The following CDH18 variants were observed in gnomAD, a reference collection of about 807,000 sequenced individuals.
The protein encoded by CDH18 is cadherin-18.
A neutral mutation model predicts 67.9 loss-of-function variants in CDH18; 31 were observed. That is an observed-to-expected ratio of 0.46 (90% CI 0.34 to 0.62). The LOEUF (loss-of-function observed/expected upper bound fraction) is 0.62, where lower values mean the gene tolerates loss of function less well. CDH18 is among the 20% of genes least tolerant of loss of function. CDH18 has a pLI of 0.01. For missense variants in CDH18, 890 were observed against 975.5 expected, an observed-to-expected ratio of 0.91 and a Z score of 1.17; for synonymous variants, 362 against 347.2, an observed-to-expected ratio of 1.04 and a Z score of -0.48.
intron 2 of CDH18, among the ~76,000 whole-genome samples, chr5:20,193,031 A>G (rs1738672448): frequency 6.6e-6 from 1 of 152,028 alleles, no homozygotes; most frequent in African/African-American, 2.4e-5. Context: ...TTCCTTGAGC[A>G]GTGGTTTGTA....
intron 1 of CDH18, among the ~76,000 whole-genome samples, chr5:20,382,081 A>G (rs1457501822): frequency 6.6e-6 from 1 of 152,178 alleles, no homozygotes; most frequent in Non-Finnish European, 1.5e-5. Flanking sequence ...TAGTTCTCCA[A>G]AATTAATACA....
intron 2 of CDH18, among the ~76,000 whole-genome samples, chr5:20,044,396 ATAAT>A (rs1439460126): frequency 6.6e-6 from 1 of 152,156 alleles, no homozygotes; most frequent in Non-Finnish European, 1.5e-5. Flanking sequence ...ATAGACATGA[ATAAT>A]TATGTATATT....
At chr5:19,721,515 T>C in intron 4 of CDH18, 49 bp from the exon 5 acceptor site, 1 of 1,566,464 alleles carries the variant, frequency 6.4e-7, no homozygotes. Flanking sequence ...ATTTAGCATA[T>C]GATTAATTTG....
intron 3 of CDH18, among the ~76,000 whole-genome samples, chr5:19,764,065 G>A (rs1772742369): frequency 6.7e-6 from 1 of 150,360 alleles, no homozygotes; most frequent in African/African-American, 2.4e-5. Flanking sequence ...CTACTTGGGA[G>A]GCTGAGACAG....
chr5:20,176,644 T>C (rs1377447666), intron 2 of CDH18, among the ~76,000 whole-genome samples: 1 of 152,174 alleles, frequency 6.6e-6, no homozygotes, highest in East Asian at 1.9e-4. Flanking sequence ...TTAATATAAG[T>C]AGGGTAAAAT....
intron 2 of CDH18, among the ~76,000 whole-genome samples, chr5:20,087,043 A>G (rs2150552998): frequency 6.6e-6 from 1 of 152,342 alleles, no homozygotes; most frequent in East Asian, 1.9e-4. Flanking sequence ...TGCCATTAAA[A>G]TATTCATAAT....
chr5:20,309,117 G>A (rs866161252), intron 1 of CDH18, among the ~76,000 whole-genome samples: 2 of 152,224 alleles, frequency 1.3e-5, no homozygotes, highest in South Asian at 2.1e-4. Context: ...AGCTGCTCTG[G>A]GAAAAATTTC....
chr5:20,238,055 T>C (rs527493731), intron 2 of CDH18, among the ~76,000 whole-genome samples: 1 of 151,820 alleles, frequency 6.6e-6, no homozygotes, highest in Middle Eastern at 3.4e-3. Flanking sequence ...TACTGGAAAA[T>C]GGTAATCATT....
chr5:19,645,995 T>A (rs576314570), intron 5 of CDH18, among the ~76,000 whole-genome samples: 1 of 152,134 alleles, frequency 6.6e-6, no homozygotes, highest in Admixed American at 6.5e-5. Flanking sequence ...AAGAAAAGAA[T>A]AAATAGAAGA....
chr5:20,363,272 G>C (rs928414123), intron 1 of CDH18, among the ~76,000 whole-genome samples: 1 of 151,552 alleles, frequency 6.6e-6, no homozygotes, highest in Non-Finnish European at 1.5e-5. Context: ...ATCCCCTGAG[G>C]TCAGGAGCTC....
At chr5:20,422,881 G>C (rs75775305) in intron 1 of CDH18, among the ~76,000 whole-genome samples, 4 of 151,014 alleles carry the variant, frequency 2.6e-5, no homozygotes, top group Non-Finnish European at 5.9e-5. Context: ...AAGTCAGAAG[G>C]TTGGTTGGGA....
intron 1 of CDH18, among the ~76,000 whole-genome samples, chr5:20,387,565 C>T (rs1008637015): frequency 5.9e-5 from 9 of 151,920 alleles, no homozygotes; most frequent in African/African-American, 2.2e-4. Context: ...TTATTTCTTT[C>T]TCCTGCCTGA....
At chr5:20,045,044 C>G (rs1740786189) in intron 2 of CDH18, among the ~76,000 whole-genome samples, 1 of 152,046 alleles carries the variant, frequency 6.6e-6, no homozygotes, top group Admixed American at 6.6e-5. Context: ...AAAGATTATT[C>G]AGATTTTCTC....
chr5:19,833,038 T>C (rs1781233334), intron 3 of CDH18, among the ~76,000 whole-genome samples: 1 of 152,124 alleles, frequency 6.6e-6, no homozygotes, highest in Admixed American at 6.6e-5. Flanking sequence ...CAATTTAAAA[T>C]AGTTTTTTTC....
chr5:20,390,799 A>G (rs1057161383), intron 1 of CDH18, among the ~76,000 whole-genome samples: 1 of 152,248 alleles, frequency 6.6e-6, no homozygotes, highest in Non-Finnish European at 1.5e-5. Context: ...GTGGAATACC[A>G]TGCAGCCATA....
At chr5:20,188,660 T>A (rs991311949) in intron 2 of CDH18, among the ~76,000 whole-genome samples, 4 of 152,158 alleles carry the variant, frequency 2.6e-5, no homozygotes, top group African/African-American at 9.6e-5. Flanking sequence ...ATAGTGGGAC[T>A]GACATTTTAA....
chr5:20,030,831 T>C (rs1341769669), intron 2 of CDH18, among the ~76,000 whole-genome samples: 4 of 152,108 alleles, frequency 2.6e-5, no homozygotes, highest in Non-Finnish European at 5.9e-5. Flanking sequence ...CATAGACATA[T>C]AGAATCACAG....
At chr5:20,056,484 T>TG (rs1741974843) in intron 2 of CDH18, among the ~76,000 whole-genome samples, 1 of 128,690 alleles carries the variant, frequency 7.8e-6, no homozygotes, top group East Asian at 2.2e-4. Flanking sequence ...TTTTGTTTTT[T>TG]TTTTTTTTTT....
chr5:20,445,237 T>A (rs1320437301), intron 1 of CDH18, among the ~76,000 whole-genome samples: 1 of 152,184 alleles, frequency 6.6e-6, no homozygotes, highest in African/African-American at 2.4e-5. Flanking sequence ...AGAGTTTATT[T>A]CCTTAAATTG....
Sources: gnomAD v4.1 joint callset for allele counts (sites outside exome capture counted in the v4.1 genomes callset) on GRCh38, gnomAD v4.1.1 for gene constraint, MANE v1.5 for transcripts, NCBI Gene and HGNC (gene_info 2026-07-23, HGNC 2026-07-21) for gene names.